The following VASH2 variants were observed in gnomAD, a reference collection of about 807,000 sequenced individuals.
VASH2 encodes tubulinyl-Tyr carboxypeptidase 2.
A neutral mutation model predicts 37.2 loss-of-function variants in VASH2; 28 were observed. That is an observed-to-expected ratio of 0.75 (90% CI 0.56 to 1.03). The LOEUF (loss-of-function observed/expected upper bound fraction) is 1.03. Ranked by LOEUF, VASH2 falls within the 50% of genes least tolerant of loss-of-function variation. The pLI is 0.00. For missense variants in VASH2, 419 were observed against 459.1 expected (o/e 0.91, Z 0.80); for synonymous variants, 188 against 174.7 (o/e 1.08, Z -0.60).
intron 7 of VASH2, among the ~76,000 whole-genome samples, chr1:212,978,828 T>C (rs1667255961): frequency 6.6e-6 from 1 of 152,210 alleles, no homozygotes; most frequent in East Asian, 1.9e-4. Context: ...TGGTTATTCT[T>C]GGTGGCGGAA....
Position 212,991,049 on chromosome 1 carries a change from G to C in VASH2, c.*2465G>C, listed in dbSNP as rs746478077. The C allele has an allele frequency of 6.6e-6, 1 of 152,204 alleles. No individual in the cohort carries two copies. Among genetic ancestry groups the C allele is most frequent in the Non-Finnish European group, 1.5e-5 (1 of 68,040 alleles). The allele number at this position is 152,204 out of a possible 1,614,324, so 9.4% of individuals were successfully genotyped here. ...CGGTTTTAAAAAGTTGTTAGTGCAA[G>C]AGAAATTTTATGTTTAAGCCATCAT... On this transcript the variant is annotated 3_prime_UTR_variant, in exon 8 of 8. Coordinates refer to ENST00000517399, the MANE Select transcript of VASH2 (RefSeq NM_001301056.2).
Position 212,971,018 on chromosome 1 carries a change from TG to T in VASH2, c.498-1561del, listed in dbSNP as rs1298146033. 6.6e-6 allele frequency among the ~76,000 whole-genome samples: 1 copy of T among 152,196 alleles called. No individual in the cohort carries two copies. Among genetic ancestry groups the T allele is most frequent in the Non-Finnish European group, 1.5e-5 (1 of 68,022 alleles). Reference sequence around the variant, plus strand: ...GTTCTACTCTCTGTCTGTATGCACTTGCTACTCCAGGTACCGCAGATGAGTG... The same window carrying T: ...GTTCTACTCTCTGTCTGTATGCACTTCTACTCCAGGTACCGCAGATGAGTG... On this transcript the variant is annotated intron_variant, in intron 5 of 7. Coordinates refer to ENST00000517399, the MANE Select transcript of VASH2 (RefSeq NM_001301056.2). The surrounding 1 kb of genome is among the most constrained non-coding windows in gnomAD (Gnocchi z 4.0).
chr1:212,965,822 A>G lies in VASH2; in HGVS notation c.422+44A>G, dbSNP rs929239206. On this transcript the variant is annotated intron_variant, in intron 4 of 7. Coordinates refer to ENST00000517399, the MANE Select transcript of VASH2 (RefSeq NM_001301056.2). ...ATGGGCCAGATGACCTCTCTCCTAC[A>G]TTCGAGCTGCCAGCTTCCTCTCCCA... 45 of 1,519,622 alleles carry G rather than the reference A, an allele frequency of 3.0e-5. 1 individual carries two copies. The highest frequency in any genetic ancestry group is 3.8e-5 in the Non-Finnish European group (43 of 1,117,798). 94.1% of individuals were successfully genotyped at this position (1,519,622 alleles called of 1,614,324 possible). A position where few individuals can be genotyped will look rare whatever the true frequency, so the allele number is the denominator to read the frequency against.
At chr1:212,972,322 T>C (rs1667035319) in intron 5 of VASH2, among the ~76,000 whole-genome samples, 1 of 152,214 alleles carries the variant, frequency 6.6e-6, no homozygotes, top group Admixed American at 6.5e-5. Flanking sequence ...TTGTTTTGCA[T>C]GTATGTAATT....
intron 2 of VASH2, among the ~76,000 whole-genome samples, chr1:212,958,696 C>G (rs1666572169): frequency 6.6e-6 from 1 of 152,070 alleles, no homozygotes; most frequent in African/African-American, 2.4e-5. Flanking sequence ...TCAGACTGTG[C>G]TTTTCTGTGC....
At chr1:212,982,450 A>T in intron 7 of VASH2, among the ~76,000 whole-genome samples, 1 of 152,314 alleles carries the variant, frequency 6.6e-6, no homozygotes, top group East Asian at 1.9e-4. Context: ...GTTCTGGGCA[A>T]GTGCAGACCC....
chr1:212,973,644 TG>T, intron 6 of VASH2: 1 of 1,231,752 alleles, frequency 8.1e-7, no homozygotes, highest in South Asian at 1.5e-5. Flanking sequence ...GAGAGGAACT[TG>T]CCAAGCAAAC....
In VASH2 at chr1:212,980,636, CCAGA is replaced by C. The variant is rs1667314442; in HGVS notation, c.995+6569_995+6572del. Among the ~76,000 whole-genome samples the C allele has an allele frequency of 2.6e-5, 4 of 152,242 alleles. No individual in the cohort carries two copies. The South Asian group carries it at 8.3e-4, about 32-fold the overall frequency. Reference sequence around the variant, plus strand: ...TTCTGTCAGGAAGGATTACGTATGTCCAGACATCTGGTTGAGTAAGGGCAGAAGT... The same window carrying C: ...TTCTGTCAGGAAGGATTACGTATGTCCATCTGGTTGAGTAAGGGCAGAAGT... On this transcript the variant is annotated intron_variant, in intron 7 of 7. Transcript: ENST00000517399.
intron 5 of VASH2, among the ~76,000 whole-genome samples, chr1:212,972,187 G>A (rs1022275116): frequency 2.0e-5 from 3 of 152,276 alleles, no homozygotes; most frequent in Admixed American, 2.0e-4. Flanking sequence ...ACCTAAGCTA[G>A]GATGAGGAAG....
At chr1:212,973,706 A>G (rs896462447) in intron 6 of VASH2, 9 of 1,292,070 alleles carry the variant, frequency 7.0e-6, no homozygotes, top group Non-Finnish European at 7.9e-6. Context: ...CTCTCTCTAC[A>G]CGGCACAGGG....
chr1:212,985,397 C>T (rs562970680), intron 7 of VASH2, among the ~76,000 whole-genome samples: 130 of 150,210 alleles, frequency 8.7e-4, no homozygotes, highest in African/African-American at 2.9e-3. Context: ...CTTCCTGCTG[C>T]GCTGCCATCT....
intron 2 of VASH2, among the ~76,000 whole-genome samples, chr1:212,959,543 T>C (rs1316637722): frequency 6.6e-6 from 1 of 152,102 alleles, no homozygotes; most frequent in Non-Finnish European, 1.5e-5. Context: ...TGCTGTGAAG[T>C]AGGACATTTC....
chr1:212,963,752 G>A (rs1480988445), intron 3 of VASH2, among the ~76,000 whole-genome samples: 1 of 152,116 alleles, frequency 6.6e-6, no homozygotes, highest in Non-Finnish European at 1.5e-5. Flanking sequence ...ACTGAAAGAA[G>A]ATGTTCAGGT....
At chr1:212,961,027 C>CCA in intron 2 of VASH2, 139 bp from the exon 3 acceptor site, 1 of 760,906 alleles carries the variant, frequency 1.3e-6, no homozygotes, top group Non-Finnish European at 2.2e-6. Flanking sequence ...AATCAGGTAA[C>CCA]CACACCAGGG....
Position 212,966,364 on chromosome 1 carries a change from A to G in VASH2, c.497+19A>G. On this transcript the variant is annotated intron_variant, in intron 5 of 7. Coordinates refer to ENST00000517399, the MANE Select transcript of VASH2 (RefSeq NM_001301056.2). The stretch of plus-strand genomic sequence containing the variant: ...TGGGCATGTATCCTTTAAGTTATGT[A>G]TGCTTAGTTTACTCCATAAATGGCG... The G allele has an allele frequency of 5.2e-6, 8 of 1,549,176 alleles. No individual in the cohort carries two copies. Among genetic ancestry groups the G allele is most frequent in the Non-Finnish European group, 7.0e-6 (8 of 1,144,728 alleles).
rs960095825 is a variant in VASH2, at chr1:212,991,504, T to C, written c.*2920T>C. The C allele has an allele frequency of 2.6e-5, 4 of 152,242 alleles. No homozygotes were observed. The highest frequency in any genetic ancestry group is 4.4e-5 in the Non-Finnish European group (3 of 68,040). 9.4% of individuals were successfully genotyped at this position (152,242 alleles called of 1,614,324 possible). A position where few individuals can be genotyped will look rare whatever the true frequency, so the allele number is the denominator to read the frequency against. ...ATTTTAGAGAATGCCAGTAAGTGCA[T>C]GTTTCAAGTTAATGTTTTTCTCATC... On this transcript the variant is annotated 3_prime_UTR_variant, in exon 8 of 8. Coordinates refer to ENST00000517399, the MANE Select transcript of VASH2 (RefSeq NM_001301056.2).
At chr1:212,982,059 T>C (rs1017090560) in intron 7 of VASH2, among the ~76,000 whole-genome samples, 1 of 152,202 alleles carries the variant, frequency 6.6e-6, no homozygotes, top group Non-Finnish European at 1.5e-5. Context: ...AACTTCTCTG[T>C]GGAACCACCA....
At chr1:212,977,204 A>C (rs555509410) in intron 7 of VASH2, among the ~76,000 whole-genome samples, 13 of 152,174 alleles carry the variant, frequency 8.5e-5, no homozygotes, top group Non-Finnish European at 1.3e-4. Context: ...TTTATCAAGA[A>C]GGAGCCCTGA....
intron 7 of VASH2, among the ~76,000 whole-genome samples, chr1:212,978,609 C>T (rs1205210275): frequency 2.0e-5 from 3 of 152,224 alleles, no homozygotes; most frequent in Non-Finnish European, 4.4e-5. Context: ...CCCTGACTCA[C>T]GCCCCTGCCC....
Sources: gnomAD v4.1 joint callset for allele counts (sites outside exome capture counted in the v4.1 genomes callset) on GRCh38, gnomAD v4.1.1 for gene constraint, Gnocchi (gnomAD v3.1) non-coding constraint, MANE v1.5 for transcripts, NCBI Gene and HGNC (gene_info 2026-07-23, HGNC 2026-07-21) for gene names.